BMAL2: variants seen among roughly 807,000 people sequenced by gnomAD.
The protein encoded by BMAL2 is basic helix-loop-helix ARNT like 2, also known as basic helix-loop-helix ARNT-like protein 2.
the BMAL2 span, among the ~76,000 whole-genome samples, chr12:27,376,796 C>T: frequency 5.1e-4 from 77 of 151,882 alleles, no homozygotes; most frequent in Non-Finnish European, 6.0e-4. Context: ...TTCAGGAGAT[C>T]GAGACCATCC....
chr12:27,342,449 C>G, the BMAL2 span, among the ~76,000 whole-genome samples: 1 of 152,186 alleles, frequency 6.6e-6, no homozygotes, highest in African/African-American at 2.4e-5. Context: ...TACATCTGAT[C>G]TGTAGATTGA....
chr12:27,376,882 C>G, the BMAL2 span, among the ~76,000 whole-genome samples: 3 of 151,682 alleles, frequency 2.0e-5, no homozygotes, highest in Non-Finnish European at 1.5e-5. Context: ...CACCTGTAGT[C>G]CCAGCTACTC....
the BMAL2 span, among the ~76,000 whole-genome samples, chr12:27,420,039 A>ACACACACG: frequency 6.6e-6 from 1 of 151,804 alleles, no homozygotes; most frequent in Non-Finnish European, 1.5e-5. Flanking sequence ...ACACACACAC[A>ACACACACG]CACACACACA....
chr12:27,387,702 T>C, the BMAL2 span, among the ~76,000 whole-genome samples: 1 of 152,356 alleles, frequency 6.6e-6, no homozygotes, highest in South Asian at 2.1e-4. Context: ...TAAGTTATAA[T>C]CATTGCATGA....
At chr12:27,417,001 A>AC in the BMAL2 span, among the ~76,000 whole-genome samples, 4 of 152,212 alleles carry the variant, frequency 2.6e-5, no homozygotes, top group Non-Finnish European at 5.9e-5. Context: ...TTTTTATACA[A>AC]ATATCATGTC....
At chr12:27,407,772 A>G in the BMAL2 span, among the ~76,000 whole-genome samples, 12 of 152,332 alleles carry the variant, frequency 7.9e-5, no homozygotes, top group East Asian at 2.3e-3. Flanking sequence ...ATAGAGACAC[A>G]AGAAACCCTT....
the BMAL2 span, chr12:27,368,438 A>G: frequency 1.9e-6 from 3 of 1,609,034 alleles, no homozygotes; most frequent in Admixed American, 5.1e-5. Flanking sequence ...CCTCTAACCC[A>G]GTGAGATCTT....
the BMAL2 span, among the ~76,000 whole-genome samples, chr12:27,417,323 T>C: frequency 6.6e-6 from 1 of 152,238 alleles, no homozygotes; most frequent in Non-Finnish European, 1.5e-5. Context: ...CATAGTAGTT[T>C]TATATGAGGT....
At chr12:27,389,046 C>T in the BMAL2 span, 41 of 712,960 alleles carry the variant, frequency 5.8e-5, no homozygotes, top group South Asian at 6.5e-4. Context: ...GTTCATGTCA[C>T]ACAGTGTCGT....
the BMAL2 span, among the ~76,000 whole-genome samples, chr12:27,379,142 T>C: frequency 6.6e-6 from 1 of 152,200 alleles, no homozygotes; most frequent in Admixed American, 6.5e-5. Context: ...AGATTGAGTC[T>C]AGTTGTGTTA....
chr12:27,411,320 A>G, the BMAL2 span, among the ~76,000 whole-genome samples: 2 of 152,058 alleles, frequency 1.3e-5, no homozygotes, highest in African/African-American at 4.8e-5. Context: ...TAAAAAAAAT[A>G]ATAACACAAT....
At chr12:27,337,156 G>A in the BMAL2 span, among the ~76,000 whole-genome samples, 2 of 151,920 alleles carry the variant, frequency 1.3e-5, no homozygotes, top group East Asian at 1.9e-4. Flanking sequence ...CCATTACAGC[G>A]AGATTAAAAA....
chr12:27,358,696 A>C, the BMAL2 span, among the ~76,000 whole-genome samples: 6 of 152,126 alleles, frequency 3.9e-5, no homozygotes, highest in African/African-American at 1.4e-4. Flanking sequence ...TTGTACCTCT[A>C]TCTAGGTCTA....
chr12:27,416,211 C>A, the BMAL2 span, among the ~76,000 whole-genome samples: 1 of 152,168 alleles, frequency 6.6e-6, no homozygotes, highest in African/African-American at 2.4e-5. Context: ...TCAATTTTCT[C>A]ATTCATAAAG....
chr12:27,412,152 T>C, the BMAL2 span, among the ~76,000 whole-genome samples: 518 of 152,318 alleles, frequency 3.4e-3, 3 homozygotes, highest in African/African-American at 0.012. Flanking sequence ...GTGAAAATTA[T>C]TTGACCATAT....
At chr12:27,339,192 A>T in the BMAL2 span, among the ~76,000 whole-genome samples, 1 of 152,108 alleles carries the variant, frequency 6.6e-6, no homozygotes, top group Non-Finnish European at 1.5e-5. Flanking sequence ...GCTCCCACTT[A>T]TAAGTGAGAA....
the BMAL2 span, among the ~76,000 whole-genome samples, chr12:27,355,774 T>C: frequency 6.6e-6 from 1 of 152,188 alleles, no homozygotes; most frequent in African/African-American, 2.4e-5. Flanking sequence ...TCACAGAAAC[T>C]AACAGTCTTA....
chr12:27,406,308 G>A, the BMAL2 span, among the ~76,000 whole-genome samples: 1 of 152,156 alleles, frequency 6.6e-6, no homozygotes, highest in Non-Finnish European at 1.5e-5. Context: ...CACCAAAGTT[G>A]AAATGAAGGA....
At chr12:27,387,768 A>G in the BMAL2 span, among the ~76,000 whole-genome samples, 5 of 152,332 alleles carry the variant, frequency 3.3e-5, no homozygotes, top group South Asian at 4.1e-4. Context: ...TCATTTAACT[A>G]GTTTAGTACT....
Sources: gnomAD v4.1 joint callset for allele counts (sites outside exome capture counted in the v4.1 genomes callset) on GRCh38, gnomAD v4.1.1 for gene constraint, MANE v1.5 for transcripts, NCBI Gene and HGNC (gene_info 2026-07-23, HGNC 2026-07-21) for gene names.